Variants in FBN3 observed in about 807,000 individuals in gnomAD.
The protein encoded by FBN3 is fibrillin-3.
FBN3 carries 234 observed loss-of-function variants against 330.1 expected under a neutral mutation model. The observed-to-expected ratio is 0.71, with a 90% CI of 0.64 to 0.79. The LOEUF is 0.79. FBN3 is among the 30% of genes least tolerant of loss of function. The pLI, the probability that FBN3 is intolerant of heterozygous loss-of-function variation, is 0.00. For synonymous variants in FBN3, 1,458 were observed against 1,517.3 expected (o/e 0.96, Z 0.91); for missense variants, 3,606 against 3,886.9 (o/e 0.93, Z 1.92).
In FBN3 at chr19:8,147,178, A is replaced by G. The variant is rs2083567301; in HGVS notation, c.176T>C (p.Val59Ala). ...GSPGILQGPN[V>A]CGSRFHAYCC... ...GTAGGCATGGAACCGGGAGCCGCAC[A>G]CATTCGGCCTTCGGGGACAGCGAGA... The change falls in exon 3 of 64, where the codon GTG becomes GCG. Residue 59 changes from valine (V) to alanine (A), a missense_variant. Transcript: ENST00000600128. 6.4e-7 allele frequency: 1 copy of G among 1,568,742 alleles called. No individual in the cohort carries two copies.
At chr19:8,069,526 T>G (rs2081466735) in intron 63 of FBN3, among the ~76,000 whole-genome samples, 1 of 152,172 alleles carries the variant, frequency 6.6e-6, no homozygotes, top group South Asian at 2.1e-4. Context: ...CACGGAATGT[T>G]GTTAAGACTT....
At chr19:8,120,208 C>T (rs569344965) in intron 25 of FBN3, among the ~76,000 whole-genome samples, 33 of 137,956 alleles carry the variant, frequency 2.4e-4, no homozygotes, top group South Asian at 1.4e-3. Context: ...CTCGCTCTGT[C>T]GCCCAGGCTG....
chr19:8,086,026 C>T lies in FBN3; in HGVS notation c.6880+174G>A, dbSNP rs1402305601. On this transcript the variant is annotated intron_variant, in intron 55 of 63. Coordinates refer to ENST00000600128, the MANE Select transcript of FBN3 (RefSeq NM_032447.5). Reference sequence around the variant, plus strand: ...GTGGGGGGACAGGCAGTGGGAGGGACAGGCAGTGGGAGGGACAGGCAGTGG... The same window carrying T: ...GTGGGGGGACAGGCAGTGGGAGGGATAGGCAGTGGGAGGGACAGGCAGTGG... Among the ~76,000 whole-genome samples the T allele has an allele frequency of 2.2e-5, 3 of 139,252 alleles. No homozygotes were observed. In the South Asian group the frequency reaches 6.8e-4, roughly 32 times the overall value. 91.4% of individuals were successfully genotyped at this position (139,252 alleles called of 152,430 possible). A position where few individuals can be genotyped will look rare whatever the true frequency, so the allele number is the denominator to read the frequency against.
At chr19:8,078,005 AG>A (rs2081682436) in intron 59 of FBN3, among the ~76,000 whole-genome samples, 1 of 151,672 alleles carries the variant, frequency 6.6e-6, no homozygotes, top group African/African-American at 2.4e-5. Flanking sequence ...TGAACCTGGG[AG>A]GTGAGATTGC....
intron 3 of FBN3, 107 bp downstream of exon 3, chr19:8,146,997 G>T: frequency 1.9e-6 from 2 of 1,035,210 alleles, no homozygotes; most frequent in East Asian, 2.6e-5. Flanking sequence ...CTGTGGTTCA[G>T]CCAGAGGTCC....
chr19:8,118,804 C>T, intron 26 of FBN3, 93 bp downstream of exon 26: 2 of 1,482,736 alleles, frequency 1.3e-6, no homozygotes, highest in Non-Finnish European at 1.9e-6. Flanking sequence ...CATGCCCACC[C>T]TCTCACTCAT....
intron 33 of FBN3, 43 bp downstream of exon 33, chr19:8,111,015 G>C (rs368667219): frequency 6.2e-6 from 10 of 1,613,832 alleles, no homozygotes; most frequent in South Asian, 1.1e-5. Flanking sequence ...CTGCAGGGGG[G>C]ACCTACCCAC....
chr19:8,078,821 C>A (rs1599275496), intron 59 of FBN3, among the ~76,000 whole-genome samples: 1 of 148,836 alleles, frequency 6.7e-6, no homozygotes, highest in South Asian at 2.1e-4. Flanking sequence ...TTGCTCTGTC[C>A]CCTAGGCTGG....
intron 41 of FBN3, among the ~76,000 whole-genome samples, chr19:8,098,000 G>A (rs2082246475): frequency 2.0e-5 from 3 of 152,246 alleles, no homozygotes; most frequent in Admixed American, 6.5e-5. Flanking sequence ...TAAAGGGAGA[G>A]ACTGCTAATA....
At chr19:8,135,940 A>ACCCCCCCC in intron 13 of FBN3, 21 bp downstream of exon 13, 1 of 168,342 alleles carries the variant, frequency 5.9e-6, no homozygotes, top group Non-Finnish European at 1.1e-5. Context: ...GCCCCTGCCC[A>ACCCCCCCC]CCCGCCCACC....
intron 61 of FBN3, chr19:8,074,774 A>C (rs2081600745): frequency 2.8e-6 from 1 of 356,612 alleles, no homozygotes; most frequent in Admixed American, 4.4e-5. Flanking sequence ...ATCACTAATC[A>C]ATCACAGCAC....
In FBN3 at chr19:8,126,844, G is replaced by A. The variant is rs777778979; in HGVS notation, c.2297-12C>T. 4 of 1,537,372 alleles carry A rather than the reference G, an allele frequency of 2.6e-6. No individual in the cohort carries two copies. In the South Asian group the frequency reaches 3.8e-5, roughly 15 times the overall value. Reference sequence around the variant, plus strand: ...GCATTCGTCGACATCTGTGGGGACAGCCCCCCACCAGGTCCTGAGCTGCAG... The same window carrying A: ...GCATTCGTCGACATCTGTGGGGACAACCCCCCACCAGGTCCTGAGCTGCAG... On this transcript the variant is annotated splice_polypyrimidine_tract_variant and intron_variant, in intron 18 of 63. Transcript: ENST00000600128.
rs1391508721 is a variant in FBN3 at position 8,132,944 on chromosome 19, C to A, written c.1714+40G>T. The A allele has an allele frequency of 1.3e-6, 2 of 1,520,298 alleles. 1 individual carries two copies. Among genetic ancestry groups the A allele is most frequent in the Admixed American group, 4.0e-5 (2 of 50,094 alleles). 94.2% of individuals were successfully genotyped at this position (1,520,298 alleles called of 1,614,324 possible). A position where few individuals can be genotyped will look rare whatever the true frequency, so the allele number is the denominator to read the frequency against. Reference sequence around the variant, plus strand: ...TCGCCGTCCCTCTGCTTCCCCATCTCCCTTCTCCCCTCCGCTGGCCAGTCT... The same window carrying A: ...TCGCCGTCCCTCTGCTTCCCCATCTACCTTCTCCCCTCCGCTGGCCAGTCT... On this transcript the variant is annotated intron_variant, in intron 14 of 63. Transcript: ENST00000600128.
At position 8,126,611 on chromosome 19, in the gene FBN3, G is replaced by A. The variant is rs370751817; in HGVS notation, c.2417-6C>T. The A allele has an allele frequency of 1.4e-5, 23 of 1,607,802 alleles. No homozygotes were observed. The highest frequency in any genetic ancestry group is 2.7e-5 in the African/African-American group (2 of 74,912). ...GCAGGTGCCCTTGGTGCTGTCTGGG[G>A]AGAAGAGGCGGGTCACCTGTCTCAC... On this transcript the variant is annotated splice_region_variant and splice_polypyrimidine_tract_variant and intron_variant, in intron 19 of 63. Transcript: ENST00000600128.
intron 22 of FBN3, among the ~76,000 whole-genome samples, chr19:8,124,516 G>A (rs1359697853): frequency 6.8e-6 from 1 of 147,998 alleles, no homozygotes; most frequent in African/African-American, 2.5e-5. Context: ...GGGATTACAG[G>A]TGTGAGCTAC....
intron 40 of FBN3, 150 bp downstream of exon 40, chr19:8,102,574 A>T: frequency 1.4e-6 from 1 of 720,140 alleles, no homozygotes; most frequent in Non-Finnish European, 2.3e-6. Flanking sequence ...CAGCAGTATG[A>T]GAATGGACTA....
intron 57 of FBN3, among the ~76,000 whole-genome samples, chr19:8,082,354 T>C (rs1315334240): frequency 7.6e-6 from 1 of 131,282 alleles, no homozygotes; most frequent in Non-Finnish European, 1.6e-5. Flanking sequence ...TTTTTGTCTC[T>C]CTCTCTTTCT....
At chr19:8,147,776 C>A (rs1473579598) in intron 1 of FBN3, 6 of 325,928 alleles carry the variant, frequency 1.8e-5, no homozygotes, top group African/African-American at 1.1e-4. Flanking sequence ...CCAGGTGGGG[C>A]CAGGTGGGGC....
intron 47 of FBN3, 39 bp downstream of exon 47, chr19:8,094,407 T>C: frequency 1.3e-6 from 2 of 1,579,350 alleles, no homozygotes; most frequent in Non-Finnish European, 1.7e-6. Context: ...AGAGAGGCAC[T>C]CCCTGGCGCC....
Sources: allele counts gnomAD v4.1 joint callset (sites outside exome capture counted in the v4.1 genomes callset), GRCh38; gene constraint gnomAD v4.1.1; transcripts MANE v1.5; gene names NCBI Gene and HGNC (gene_info 2026-07-23, HGNC 2026-07-21).